Variants in KALRN observed in about 807,000 individuals in gnomAD.
KALRN encodes kalirin.
In KALRN, 70 loss-of-function variants were observed where a neutral mutation model predicts 353.7. The ratio of observed to expected loss-of-function variants is 0.20; its 90% CI spans 0.16 to 0.24. The LOEUF is 0.24. KALRN is among the 10% of genes least tolerant of loss of function. The pLI, the probability that KALRN is intolerant of heterozygous loss-of-function variation, is 1.00. For synonymous variants in KALRN, 1,391 were observed against 1,434.8 expected, an observed-to-expected ratio of 0.97 and a Z score of 0.69; for missense variants, 2,791 against 3,756.7, an observed-to-expected ratio of 0.74 and a Z score of 6.72.
chr3:124,403,550 T>C (rs983202668), intron 13 of KALRN, among the ~76,000 whole-genome samples: 3 of 152,186 alleles, frequency 2.0e-5, no homozygotes, highest in African/African-American at 7.2e-5. Context: ...ATTCTAAATC[T>C]ATGGGGTTCA....
intron 13 of KALRN, among the ~76,000 whole-genome samples, chr3:124,402,149 G>A (rs1239329650): frequency 6.6e-6 from 1 of 152,204 alleles, no homozygotes; most frequent in Non-Finnish European, 1.5e-5. Context: ...GGGCCCAGAT[G>A]AGCCAGTTAA....
intron 3 of KALRN, among the ~76,000 whole-genome samples, chr3:124,261,059 T>C (rs1160590192): frequency 3.3e-5 from 5 of 151,370 alleles, no homozygotes; most frequent in Non-Finnish European, 7.4e-5. Context: ...TTTTTTTTTT[T>C]TGTATTTTTG....
At chr3:124,137,806 G>A (rs2066111981) in intron 1 of KALRN, among the ~76,000 whole-genome samples, 1 of 152,174 alleles carries the variant, frequency 6.6e-6, no homozygotes, top group Admixed American at 6.5e-5. Context: ...TGCTCTGGGT[G>A]TGGGTCGGAT....
At chr3:124,268,629 G>A in intron 4 of KALRN, 114 bp from the exon 5 acceptor site, 1 of 1,122,026 alleles carries the variant, frequency 8.9e-7, no homozygotes, top group Middle Eastern at 2.0e-4. Flanking sequence ...CCATTTCCGA[G>A]GCAGGCTGTG....
intron 3 of KALRN, among the ~76,000 whole-genome samples, chr3:124,236,372 A>G (rs1166118006): frequency 6.6e-6 from 1 of 152,230 alleles, no homozygotes; most frequent in Non-Finnish European, 1.5e-5. Flanking sequence ...CGTGATTGAT[A>G]TAGGTAATTT....
chr3:124,274,722 C>G (rs2074520068), intron 5 of KALRN, among the ~76,000 whole-genome samples: 1 of 152,182 alleles, frequency 6.6e-6, no homozygotes, highest in African/African-American at 2.4e-5. Flanking sequence ...GCCTACCTCC[C>G]CCATGACCAA....
In KALRN at chr3:124,071,470, A is replaced by G. The variant is rs555930550; in HGVS notation, c.73+37657A>G. ...TCAACATTGCCTTGCAACTCAACCCAAAAGAGGAGAGCAGAAGACATCTTA... is the reference window on the plus strand; with the variant it reads ...TCAACATTGCCTTGCAACTCAACCCGAAAGAGGAGAGCAGAAGACATCTTA... On this transcript the variant is annotated intron_variant, in intron 1 of 59. Transcript: ENST00000682506. 7.2e-5 allele frequency among the ~76,000 whole-genome samples: 11 copies of G among 152,336 alleles called. No homozygotes were observed. The East Asian group carries it at 1.9e-3, about 27-fold the overall frequency.
intron 6 of KALRN, among the ~76,000 whole-genome samples, chr3:124,299,724 G>A (rs1397423735): frequency 6.6e-6 from 1 of 152,232 alleles, no homozygotes; most frequent in Non-Finnish European, 1.5e-5. Context: ...CACATAGTAA[G>A]TCATCAGTAA....
intron 38 of KALRN, 37 bp downstream of exon 38, chr3:124,650,975 T>A: frequency 6.2e-7 from 1 of 1,610,830 alleles, no homozygotes; most frequent in East Asian, 2.2e-5. Context: ...GTGGTGCACA[T>A]GTGAGTGCGG....
At chr3:124,464,994 G>A (rs1333970957) in intron 25 of KALRN, among the ~76,000 whole-genome samples, 1 of 152,026 alleles carries the variant, frequency 6.6e-6, no homozygotes, top group Admixed American at 6.6e-5. Flanking sequence ...GTAACCCTGA[G>A]TCATGAATAT....
chr3:124,565,755 G>C (rs1371094665), intron 34 of KALRN, among the ~76,000 whole-genome samples: 1 of 152,152 alleles, frequency 6.6e-6, no homozygotes, highest in Non-Finnish European at 1.5e-5. Flanking sequence ...CTCCCTGCTG[G>C]GGCTGCCACA....
chr3:124,292,055 T>C (rs999137807), intron 5 of KALRN, among the ~76,000 whole-genome samples: 2 of 152,198 alleles, frequency 1.3e-5, no homozygotes, highest in Non-Finnish European at 2.9e-5. Context: ...AAGGAATTCT[T>C]GGAACCTGGA....
chr3:124,686,806 T>A (rs2061582832), intron 51 of KALRN, among the ~76,000 whole-genome samples: 1 of 71,714 alleles, frequency 1.4e-5, no homozygotes, highest in Non-Finnish European at 2.5e-5. Flanking sequence ...AGATTTTTTT[T>A]TTTTTTTTTT....
At chr3:124,156,685 T>C (rs140441417) in intron 1 of KALRN, among the ~76,000 whole-genome samples, 191 of 152,338 alleles carry the variant, frequency 1.3e-3, no homozygotes, top group African/African-American at 4.5e-3. Context: ...GACAAAGCAG[T>C]GCACTTGTCA....
chr3:124,215,183 T>G (rs2077213655), intron 1 of KALRN, among the ~76,000 whole-genome samples: 1 of 152,184 alleles, frequency 6.6e-6, no homozygotes. Context: ...CACAATCAGC[T>G]GGGCAGCTGG....
At chr3:124,291,062 A>T (rs1000915750) in intron 5 of KALRN, among the ~76,000 whole-genome samples, 1 of 152,210 alleles carries the variant, frequency 6.6e-6, no homozygotes, top group African/African-American at 2.4e-5. Flanking sequence ...TCTACTGAGA[A>T]TGATAGAAGA....
chr3:124,288,380 A>G (rs1185319105), intron 5 of KALRN, among the ~76,000 whole-genome samples: 3 of 152,132 alleles, frequency 2.0e-5, no homozygotes, highest in African/African-American at 7.2e-5. Flanking sequence ...TGGGTATTTC[A>G]TGGTGGGGGG....
intron 34 of KALRN, among the ~76,000 whole-genome samples, chr3:124,604,379 C>G (rs16835659): frequency 0.11 from 16,839 of 152,064 alleles, 2,114 homozygotes; most frequent in East Asian, 0.43. Flanking sequence ...AAAAGAGCCA[C>G]TCTTGGTGCT....
intron 3 of KALRN, among the ~76,000 whole-genome samples, chr3:124,262,058 A>G (rs2072951239): frequency 6.6e-6 from 1 of 152,212 alleles, no homozygotes; most frequent in African/African-American, 2.4e-5. Context: ...CAAAGATTTT[A>G]AAAATTCTAT....
Sources: gnomAD v4.1 joint callset for allele counts (sites outside exome capture counted in the v4.1 genomes callset) on GRCh38, gnomAD v4.1.1 for gene constraint, MANE v1.5 for transcripts, NCBI Gene and HGNC (gene_info 2026-07-23, HGNC 2026-07-21) for gene names.